Variants in MAML1 observed in about 807,000 individuals in gnomAD.
MAML1 encodes mastermind-like protein 1.
Under a neutral mutation model 77.1 loss-of-function variants are expected in MAML1, and 14 were observed. The observed-to-expected ratio is 0.18, with a 90% CI of 0.12 to 0.28. The LOEUF (loss-of-function observed/expected upper bound fraction) is 0.28, where lower values mean the gene tolerates loss of function less well. Among genes scored for constraint, MAML1 ranks in the 10% least tolerant of loss-of-function variants. The pLI is 1.00. For missense variants in MAML1, 1,217 were observed against 1,327.8 expected, an observed-to-expected ratio of 0.92 and a Z score of 1.30; for synonymous variants, 516 against 551.9, an observed-to-expected ratio of 0.93 and a Z score of 0.91.
intron 1 of MAML1, among the ~76,000 whole-genome samples, chr5:179,737,498 C>T (rs1779190876): frequency 6.6e-6 from 1 of 152,112 alleles, no homozygotes; most frequent in Non-Finnish European, 1.5e-5. Context: ...TTTGACAACT[C>T]CATGTATTTG....
chr5:179,773,902 T>G lies in MAML1; in HGVS notation c.2076T>G (p.Ser692=), dbSNP rs1179486814. The change falls in exon 5 of 5, where the codon TCT becomes TCG. Residue 692 remains serine (S), a synonymous_variant. Coordinates refer to ENST00000292599, the MANE Select transcript of MAML1 (RefSeq NM_014757.5). ...PQQVGQFTGS[S]AAVPGMNTLG... ...CTCTTCTCTGTCTTGTAGGGTCCTC[T>G]GCTGCCGTGCCCGGCATGAACACCT... The G allele has an allele frequency of 1.9e-6, 3 of 1,612,854 alleles. 1 individual carries two copies. The South Asian group carries it at 3.3e-5, about 18-fold the overall frequency.
Position 179,776,420 on chromosome 5 carries a change from A to G in MAML1, c.*1543A>G. On this transcript the variant is annotated 3_prime_UTR_variant, in exon 5 of 5. Transcript: ENST00000292599. ...ATTTTGCACCAGCAGTGCCTTTCTC[A>G]CTGGGGGTACTTGGACCCTCAGATC... The G allele has an allele frequency of 1.0e-6, 1 of 985,614 alleles. No individual in the cohort carries two copies. 61.1% of individuals were successfully genotyped at this position (985,614 alleles called of 1,614,324 possible).
chr5:179,754,118 T>TA (rs994778222), intron 1 of MAML1, among the ~76,000 whole-genome samples: 1 of 151,840 alleles, frequency 6.6e-6, no homozygotes, highest in Admixed American at 6.6e-5. Context: ...ACCCCATCTC[T>TA]AAAAAAATGC....
In MAML1 at chr5:179,768,948, CT is replaced by C; in HGVS notation, c.1831del (p.Tyr611IlefsTer10). 1 of 1,614,206 alleles carries C rather than the reference CT, an allele frequency of 6.2e-7. No homozygotes were observed. The highest frequency in any genetic ancestry group is 8.5e-7 in the Non-Finnish European group (1 of 1,180,046). ...SVASSHNSSP[Y>X]LSSQQQAAVM... ...TGGCCAGCTCCCACAACAGCTCCCC[CT>C]ATCTCAGCAGCCAGCAACAGGCCGC... On this transcript the variant is annotated frameshift_variant, in exon 3 of 5. Coordinates refer to ENST00000292599, the MANE Select transcript of MAML1 (RefSeq NM_014757.5). LOFTEE classifies it high-confidence loss of function.
intron 1 of MAML1, among the ~76,000 whole-genome samples, chr5:179,757,574 A>T (rs766497688): frequency 4.3e-4 from 66 of 152,248 alleles, no homozygotes; most frequent in Non-Finnish European, 7.2e-4. Flanking sequence ...CTCAAAAAAA[A>T]AAAGAAGTAT....
chr5:179,744,560 G>A (rs1223708365), intron 1 of MAML1, among the ~76,000 whole-genome samples: 5 of 149,410 alleles, frequency 3.3e-5, no homozygotes, highest in South Asian at 2.1e-4. Context: ...TTTTTTAGAC[G>A]GAGTCTCACT....
At chr5:179,734,869 A>C (rs1440147860) in intron 1 of MAML1, among the ~76,000 whole-genome samples, 3 of 152,102 alleles carry the variant, frequency 2.0e-5, no homozygotes, top group African/African-American at 7.2e-5. Context: ...ATGGGGTCTC[A>C]CTATATTGCC....
chr5:179,749,471 G>A (rs1377745641), intron 1 of MAML1, among the ~76,000 whole-genome samples: 2 of 152,116 alleles, frequency 1.3e-5, no homozygotes, highest in East Asian at 1.9e-4. Flanking sequence ...ATGTTGGCCA[G>A]GCTGGTCTTG....
At chr5:179,758,997 C>CA (rs767659852) in intron 1 of MAML1, among the ~76,000 whole-genome samples, 108 of 142,354 alleles carry the variant, frequency 7.6e-4, no homozygotes, top group Middle Eastern at 3.6e-3. Flanking sequence ...GACTCCGACT[C>CA]AAAAAAAAAA....
In MAML1 at chr5:179,771,526, A is replaced by C; in HGVS notation, c.2068+283A>C. Among the ~76,000 whole-genome samples the C allele has an allele frequency of 6.6e-6, 1 of 152,244 alleles. No individual in the cohort carries two copies. The highest frequency in any genetic ancestry group is 1.9e-4 in the East Asian group (1 of 5,204). On this transcript the variant is annotated intron_variant, in intron 4 of 4. Coordinates refer to ENST00000292599, the MANE Select transcript of MAML1 (RefSeq NM_014757.5). The surrounding 1 kb of genome is among the most constrained non-coding windows in gnomAD (Gnocchi z 4.7). ...AGTTGGAGGACATCTTATCAGCAGG[A>C]AATAGCTTCTGTAATTCTCAAGAAA...
At chr5:179,762,823 T>G (rs1339599068) in intron 1 of MAML1, among the ~76,000 whole-genome samples, 1 of 152,182 alleles carries the variant, frequency 6.6e-6, no homozygotes, top group African/African-American at 2.4e-5. Flanking sequence ...GCCACCACAT[T>G]ACACACTCCT....
intron 1 of MAML1, among the ~76,000 whole-genome samples, chr5:179,756,869 A>G (rs1562563248): frequency 6.6e-6 from 1 of 152,182 alleles, no homozygotes; most frequent in South Asian, 2.1e-4. Flanking sequence ...GGATTGACCC[A>G]TGCACTGAGA....
rs1437083514 is a variant in MAML1, at chr5:179,739,768, T to TAA, written c.315+6343_315+6344dup. On this transcript the variant is annotated intron_variant, in intron 1 of 4. Coordinates refer to ENST00000292599, the MANE Select transcript of MAML1 (RefSeq NM_014757.5). Reference sequence around the variant, plus strand: ...TATTGTAAGTAATCTAGAGGTGATTTAAAGTATCCTGGAAGATGTGTATAT... The same window carrying TAA: ...TATTGTAAGTAATCTAGAGGTGATTTAAAAAGTATCCTGGAAGATGTGTATAT... Among the ~76,000 whole-genome samples the TAA allele has an allele frequency of 2.2e-4, 33 of 152,314 alleles. 1 individual carries two copies. The highest frequency in any genetic ancestry group is 7.9e-4 in the African/African-American group (33 of 41,574).
chr5:179,754,145 T>C lies in MAML1; in HGVS notation c.316-11181T>C, dbSNP rs372867881. ...AAAAAATGCAAAAATTAGCTGGGTG[T>C]GGTGGCTCCATCTGTAGTCTCAGAT... On this transcript the variant is annotated intron_variant, in intron 1 of 4. Coordinates refer to ENST00000292599, the MANE Select transcript of MAML1 (RefSeq NM_014757.5). Among the ~76,000 whole-genome samples the C allele has an allele frequency of 1.4e-3, 208 of 152,128 alleles. 2 individuals are homozygous for C. Among genetic ancestry groups the C allele is most frequent in the African/African-American group, 4.8e-3 (200 of 41,508 alleles).
At chr5:179,757,141 C>G (rs1037267068) in intron 1 of MAML1, among the ~76,000 whole-genome samples, 1 of 152,192 alleles carries the variant, frequency 6.6e-6, no homozygotes, top group South Asian at 2.1e-4. Flanking sequence ...TAATGACTTG[C>G]ACTCTATTTA....
intron 2 of MAML1, 59 bp from the exon 3 acceptor site, chr5:179,768,791 G>A: frequency 6.3e-7 from 1 of 1,588,122 alleles, no homozygotes; most frequent in Non-Finnish European, 8.6e-7. Context: ...TCACTGGATG[G>A]AGCTTATTTG....
intron 1 of MAML1, among the ~76,000 whole-genome samples, chr5:179,745,890 C>T (rs62406183): frequency 0.079 from 11,472 of 145,874 alleles, 662 homozygotes; most frequent in Non-Finnish European, 0.12. Context: ...AAAAATTAGC[C>T]GGGCGTGGTG....
chr5:179,739,777 C>T (rs1779244393), intron 1 of MAML1, among the ~76,000 whole-genome samples: 1 of 152,070 alleles, frequency 6.6e-6, no homozygotes, highest in South Asian at 2.1e-4. Context: ...TTAAAGTATC[C>T]TGGAAGATGT....
At chr5:179,742,657 A>G (rs1779305751) in intron 1 of MAML1, among the ~76,000 whole-genome samples, 1 of 151,914 alleles carries the variant, frequency 6.6e-6, no homozygotes, top group East Asian at 1.9e-4. Flanking sequence ...ATAAAAATAA[A>G]TTAGCTGGGC....
Sources: gnomAD v4.1 joint callset for allele counts (sites outside exome capture counted in the v4.1 genomes callset) on GRCh38, gnomAD v4.1.1 for gene constraint, Gnocchi (gnomAD v3.1) non-coding constraint, MANE v1.5 for transcripts, NCBI Gene and HGNC (gene_info 2026-07-23, HGNC 2026-07-21) for gene names.